FAM161B: variants seen among roughly 807,000 people sequenced by gnomAD.
The protein encoded by FAM161B is FAM161 centrosomal protein B, also known as protein FAM161B.
In FAM161B, 46 loss-of-function variants were observed where a neutral mutation model predicts 61.5. The ratio of observed to expected loss-of-function variants is 0.75; its 90% confidence interval spans 0.59 to 0.96. The LOEUF (loss-of-function observed/expected upper bound fraction) is 0.96, where lower values mean the gene tolerates loss of function less well. Ranked by LOEUF, FAM161B falls within the 40% of genes least tolerant of loss-of-function variation. The pLI is 0.00. For missense variants in FAM161B, 774 were observed against 800.7 expected (o/e 0.97, Z 0.40); for synonymous variants, 284 against 302.7 (o/e 0.94, Z 0.64).
downstream of FAM161B, chr14:73,931,450 T>C: frequency 6.7e-7 from 1 of 1,495,444 alleles, no homozygotes; most frequent in Non-Finnish European, 9.3e-7. Flanking sequence ...ATGAATTATT[T>C]TTTCTATAAT....
chr14:73,941,108 C>CA, intron 4 of FAM161B, 55 bp from the exon 5 acceptor site: 1 of 955,300 alleles, frequency 1.0e-6, no homozygotes, highest in East Asian at 6.5e-5. Context: ...TAGTTTCTAT[C>CA]TTTTTTTTTT....
chr14:73,941,689 A>T (rs564411804), intron 4 of FAM161B, among the ~76,000 whole-genome samples: 14 of 152,214 alleles, frequency 9.2e-5, no homozygotes, highest in African/African-American at 3.1e-4. Context: ...GAGGAAAAGA[A>T]GTGTCCCTAT....
downstream of FAM161B, among the ~76,000 whole-genome samples, chr14:73,929,494 T>TA (rs1390830962): frequency 6.6e-6 from 1 of 152,146 alleles, no homozygotes; most frequent in Non-Finnish European, 1.5e-5. Context: ...TTCCTGTAAA[T>TA]ATGCTCTAAA....
At position 73,942,717 on chromosome 14, in the gene FAM161B, T is replaced by C; in HGVS notation, c.926-2A>G. ...GAATTTTCCTGAAGAGCTCAGCTTC[T>C]GTGGAGAAAGGATGGTGATGGGTAA... On this transcript the variant is annotated splice_acceptor_variant, in intron 3 of 8. Transcript: ENST00000286544. LOFTEE classifies it high-confidence loss of function. 3 of 1,609,718 alleles carry C rather than the reference T, an allele frequency of 1.9e-6. No homozygotes were observed. The highest frequency in any genetic ancestry group is 2.5e-6 in the Non-Finnish European group (3 of 1,176,964).
At chr14:73,941,108 CTTTTTTTTT>C in intron 4 of FAM161B, 55 bp from the exon 5 acceptor site, 12 of 955,272 alleles carry the variant, frequency 1.3e-5, no homozygotes, top group Middle Eastern at 4.3e-4. Flanking sequence ...TAGTTTCTAT[CTTTTTTTTT>C]TTTTTTTTTT....
the FAM161B span, chr14:73,923,611 CA>C: frequency 6.7e-7 from 1 of 1,496,058 alleles, no homozygotes; most frequent in Admixed American, 2.2e-5. Context: ...CTCCAGTTTC[CA>C]TTTCCTGGAA....
chr14:73,932,385 A>G lies in FAM161B; in HGVS notation c.*1871T>C. The G allele has an allele frequency of 2.3e-6, 1 of 434,300 alleles. No homozygotes were observed. Among genetic ancestry groups the G allele is most frequent in the Middle Eastern group, 3.4e-4 (1 of 2,956 alleles). The allele number at this position is 434,300 out of a possible 1,614,324, so 26.9% of individuals were successfully genotyped here. A position where few individuals can be genotyped will look rare whatever the true frequency, so the allele number is the denominator to read the frequency against. On this transcript the variant is annotated 3_prime_UTR_variant, in exon 9 of 9. Coordinates refer to ENST00000286544, the MANE Select transcript of FAM161B (RefSeq NM_152445.3). ...TTTACCCTTAGGATTCCATACCAGT[A>G]AAACTGAACCGAGGAGTCTTAGGAA...
chr14:73,944,760 G>A lies in FAM161B; in HGVS notation c.500C>T (p.Ser167Leu). The A allele has an allele frequency of 6.3e-7, 1 of 1,595,260 alleles. No homozygotes were observed. The highest frequency in any genetic ancestry group is 8.6e-7 in the Non-Finnish European group (1 of 1,168,228). Residue 167 changes from serine to leucine, a missense_variant, in exon 3 of 9, where the codon TCA becomes TTA. Coordinates refer to ENST00000286544, the MANE Select transcript of FAM161B (RefSeq NM_152445.3). ...GAATGGCCGAGGGACAGTAATGGAT[G>A]ATGCCCAGGAGCTGACGCTTCTGTG... ...SQHRSVSSWA[S>L]SITVPRPFRM...
At position 73,950,050 on chromosome 14, in the gene FAM161B, G is replaced by C; in HGVS notation, c.-24C>G. 6.2e-7 allele frequency: 1 copy of C among 1,610,784 alleles called. No individual in the cohort carries two copies. Among genetic ancestry groups the C allele is most frequent in the South Asian group, 1.1e-5 (1 of 91,084 alleles). ...ATTTCAGCTGGACAGAGGCAGCAGCGACAGTGACAGCGATAGTGGCAGCAG... is the reference window on the plus strand; with the variant it reads ...ATTTCAGCTGGACAGAGGCAGCAGCCACAGTGACAGCGATAGTGGCAGCAG... On this transcript the variant is annotated 5_prime_UTR_variant, in exon 1 of 9. Transcript: ENST00000286544.
chr14:73,926,623 C>T (rs1021699031), downstream of FAM161B, among the ~76,000 whole-genome samples: 3 of 151,990 alleles, frequency 2.0e-5, no homozygotes, highest in African/African-American at 4.8e-5. Context: ...TTAGTAGAGA[C>T]GGGCTTTTAC....
chr14:73,942,934 C>CT (rs370825137), intron 3 of FAM161B, among the ~76,000 whole-genome samples: 254 of 145,796 alleles, frequency 1.7e-3, no homozygotes, highest in Admixed American at 1.8e-3. Context: ...AACCAGCTTC[C>CT]TTTTTTTTTT....
chr14:73,926,457 G>T, the FAM161B span, among the ~76,000 whole-genome samples: 53 of 151,922 alleles, frequency 3.5e-4, no homozygotes, highest in African/African-American at 1.3e-3. Context: ...TTTTGAGACT[G>T]AGTCTCACTC....
Position 73,944,442 on chromosome 14 carries a change from C to T in FAM161B, c.818G>A (p.Arg273Gln), listed in dbSNP as rs538605891. Residue 273 changes from arginine (R) to glutamine (Q), a missense_variant, in exon 3 of 9, where the codon CGA becomes CAA. By Grantham distance (43) the Arg-to-Gln change is conservative (BLOSUM62 1). Coordinates refer to ENST00000286544, the MANE Select transcript of FAM161B (RefSeq NM_152445.3). ...EKEEQLKEAA[R>Q]QRDLAATAEA... Reference sequence around the variant, plus strand: ...AGCTGTGGCTGCCAAGTCTCTCTGTCGAGCAGCTTCCTTTAGCTGCTCCTC... The same window carrying T: ...AGCTGTGGCTGCCAAGTCTCTCTGTTGAGCAGCTTCCTTTAGCTGCTCCTC... 42 of 1,613,672 alleles carry T rather than the reference C, an allele frequency of 2.6e-5. No individual in the cohort carries two copies. The highest frequency in any genetic ancestry group is 2.5e-4 in the East Asian group (11 of 44,840).
intron 8 of FAM161B, among the ~76,000 whole-genome samples, chr14:73,935,090 T>A (rs2055960236): frequency 6.6e-6 from 1 of 151,046 alleles, no homozygotes; most frequent in African/African-American, 2.4e-5. Context: ...ATTATTACTA[T>A]TTTATATGGG....
downstream of FAM161B, among the ~76,000 whole-genome samples, chr14:73,931,316 T>C (rs2055910717): frequency 6.6e-6 from 1 of 152,196 alleles, no homozygotes; most frequent in South Asian, 2.1e-4. Context: ...ATGACATGGC[T>C]AAAGTGCTGT....
chr14:73,944,191 G>T, intron 3 of FAM161B, 144 bp downstream of exon 3: 1 of 1,316,306 alleles, frequency 7.6e-7, no homozygotes, highest in Non-Finnish European at 1.0e-6. Context: ...CTCCCCAATG[G>T]CCTGCACTAA....
rs2055944378 is a variant in FAM161B at position 73,933,605 on chromosome 14, T to TA, written c.*650dup. On this transcript the variant is annotated 3_prime_UTR_variant, in exon 9 of 9. Coordinates refer to ENST00000286544, the MANE Select transcript of FAM161B (RefSeq NM_152445.3). ...GAGCCTATATTCCAGCAGGATTTGA[T>TA]ACTTTCCAGTGTCTACTATCTCCTA... 6.6e-6 allele frequency: 1 copy of TA among 152,256 alleles called. No individual in the cohort carries two copies. The highest frequency in any genetic ancestry group is 1.5e-5 in the Non-Finnish European group (1 of 68,048). The allele number at this position is 152,256 out of a possible 1,614,324, so 9.4% of individuals were successfully genotyped here.
At chr14:73,944,914 G>C in intron 2 of FAM161B, 29 bp from the exon 3 acceptor site, 1 of 1,488,340 alleles carries the variant, frequency 6.7e-7, no homozygotes, top group Non-Finnish European at 8.9e-7. Flanking sequence ...TGTGAGTGGA[G>C]GACAGGGCAG....
At chr14:73,938,331 C>T (rs1348409761) in intron 5 of FAM161B, among the ~76,000 whole-genome samples, 2 of 152,026 alleles carry the variant, frequency 1.3e-5, no homozygotes, top group Non-Finnish European at 2.9e-5. Flanking sequence ...TGGTGGTGTG[C>T]ACCTGTAATC....
Sources: allele counts gnomAD v4.1 joint callset (sites outside exome capture counted in the v4.1 genomes callset), GRCh38; gene constraint gnomAD v4.1.1; transcripts MANE v1.5; gene names NCBI Gene and HGNC (gene_info 2026-07-23, HGNC 2026-07-21).